The following DGKK variants were observed in gnomAD, a reference collection of about 807,000 sequenced individuals.
DGKK encodes the protein 142 kDa diacylglycerol kinase.
DGKK carries 35 observed loss-of-function variants against 92.2 expected under a neutral mutation model. The observed-to-expected ratio is 0.38, with a 90% confidence interval of 0.29 to 0.50. The LOEUF is 0.50. Among genes scored for constraint, DGKK ranks in the 20% least tolerant of loss-of-function variants. DGKK has a pLI of 0.92. For missense variants in DGKK, 910 were observed against 992.2 expected (o/e 0.92, Z 1.11); for synonymous variants, 368 against 360.6 (o/e 1.02, Z -0.23).
chrX:50,417,703 G>A (rs1423608584), intron 4 of DGKK, among the ~76,000 whole-genome samples: 7 of 110,437 alleles, frequency 6.3e-5, no homozygotes, highest in Non-Finnish European at 1.1e-4. Context: ...GGCTTAACAC[G>A]GTCTTGCCAT....
At chrX:50,411,052 G>T (rs1258283870) in intron 4 of DGKK, among the ~76,000 whole-genome samples, 3 of 111,230 alleles carry the variant, frequency 2.7e-5, no homozygotes, top group Non-Finnish European at 3.8e-5. Flanking sequence ...AGGAAACATG[G>T]TCCACGGGTC....
At chrX:50,425,489 G>C (rs1925714274) in intron 1 of DGKK, among the ~76,000 whole-genome samples, 1 of 110,349 alleles carries the variant, frequency 9.1e-6, no homozygotes, top group Admixed American at 9.7e-5. Flanking sequence ...TTAGGACTCT[G>C]ATCTAAACAG....
intron 2 of DGKK, among the ~76,000 whole-genome samples, chrX:50,423,308 G>T (rs782383868): frequency 2.1e-4 from 23 of 111,521 alleles, no homozygotes; most frequent in Non-Finnish European, 3.8e-4. Context: ...TGATAAGTGG[G>T]AGTTTAGCAA....
intron 17 of DGKK, among the ~76,000 whole-genome samples, chrX:50,383,326 C>T (rs1387125333): frequency 1.8e-5 from 2 of 111,589 alleles, no homozygotes; most frequent in Non-Finnish European, 3.8e-5. Context: ...GGTTGTTAAA[C>T]ACTTTGCCAG....
At chrX:50,386,642 A>T in intron 14 of DGKK, 56 bp from the exon 15 acceptor site, 2 of 1,031,820 alleles carry the variant, frequency 1.9e-6, no homozygotes, top group Non-Finnish European at 1.3e-6. Flanking sequence ...GCTTGAGAGG[A>T]CAGAATGAGG....
At chrX:50,377,960 A>G (rs1557224015) in intron 22 of DGKK, 138 bp downstream of exon 22, 1 of 775,104 alleles carries the variant, frequency 1.3e-6, no homozygotes, top group Non-Finnish European at 1.8e-6. Flanking sequence ...TGCATTTATA[A>G]CCAGCATCTC....
chrX:50,409,804 T>C (rs1925262457), intron 4 of DGKK, among the ~76,000 whole-genome samples: 1 of 111,460 alleles, frequency 9.0e-6, no homozygotes, highest in Admixed American at 9.5e-5. Context: ...AGATGGGGCC[T>C]TTGGGAGGTG....
chrX:50,464,773 G>T (rs1324996675), intron 1 of DGKK, among the ~76,000 whole-genome samples: 5 of 110,975 alleles, frequency 4.5e-5, no homozygotes, highest in African/African-American at 1.6e-4. Context: ...TTTAAAAATT[G>T]AGATGTAATT....
At chrX:50,394,047 A>C (rs1168289108) in intron 8 of DGKK, among the ~76,000 whole-genome samples, 1 of 112,156 alleles carries the variant, frequency 8.9e-6, no homozygotes, top group Non-Finnish European at 1.9e-5. Context: ...ATAGCAGTCT[A>C]AATAACCAAA....
At chrX:50,409,082 A>T (rs1249406303) in intron 4 of DGKK, among the ~76,000 whole-genome samples, 1 of 111,550 alleles carries the variant, frequency 9.0e-6, no homozygotes, top group Non-Finnish European at 1.9e-5. Flanking sequence ...GACATATTAC[A>T]TTTAAGATGA....
intron 1 of DGKK, among the ~76,000 whole-genome samples, chrX:50,427,014 A>G (rs1313966955): frequency 8.9e-6 from 1 of 112,027 alleles, no homozygotes; most frequent in African/African-American, 3.2e-5. Context: ...ACCCAAATGC[A>G]TTAAAAAGTT....
At chrX:50,464,683 T>G (rs1926849629) in intron 1 of DGKK, among the ~76,000 whole-genome samples, 1 of 111,177 alleles carries the variant, frequency 9.0e-6, no homozygotes, top group African/African-American at 3.3e-5. Context: ...TTTTTTCAAT[T>G]TTGTTTGTTT....
In DGKK at chrX:50,376,165, T is replaced by A; in HGVS notation, c.3273A>T (p.Lys1091Asn). The change falls in exon 24 of 28, where the codon AAA (lysine) becomes AAT (asparagine). Residue 1091 changes from lysine (K) to asparagine (N), a missense_variant and splice_region_variant. Transcript: ENST00000611977. ...LARLAENLIS[K>N]LNDLSKIHQH... ...GGTGGATCTTGCTCAGGTCATTAAGTCTGTAATAAAGCAAGGACAGATAGA... is the reference window on the plus strand; with the variant it reads ...GGTGGATCTTGCTCAGGTCATTAAGACTGTAATAAAGCAAGGACAGATAGA... The A allele has an allele frequency of 8.3e-7, 1 of 1,209,004 alleles. No homozygotes were observed. The highest frequency in any genetic ancestry group is 1.1e-6 in the Non-Finnish European group (1 of 894,301).
intron 10 of DGKK, 98 bp downstream of exon 10, chrX:50,392,243 C>T (rs1924717398): frequency 1.7e-6 from 1 of 592,147 alleles, no homozygotes; most frequent in Non-Finnish European, 2.7e-6. Context: ...ACATATTTTA[C>T]AGACAGGGAG....
chrX:50,379,839 A>G (rs781851037), intron 19 of DGKK, 105 bp from the exon 20 acceptor site: 2 of 909,598 alleles, frequency 2.2e-6, no homozygotes, highest in Admixed American at 4.7e-5. Context: ...CATTACATGG[A>G]AATCTATCTT....
intron 1 of DGKK, among the ~76,000 whole-genome samples, chrX:50,444,715 CTA>C (rs1404427267): frequency 8.9e-6 from 1 of 111,817 alleles, no homozygotes; most frequent in Non-Finnish European, 1.9e-5. Flanking sequence ...TAGGTTGATT[CTA>C]TGTCTTTGCT....
chrX:50,386,967 C>T (rs1400787873), intron 14 of DGKK, among the ~76,000 whole-genome samples: 4 of 110,722 alleles, frequency 3.6e-5, no homozygotes, highest in Non-Finnish European at 7.6e-5. Flanking sequence ...CGTGTCCCTG[C>T]TTGGGTGCTT....
At chrX:50,447,801 G>A (rs1180928846) in intron 1 of DGKK, among the ~76,000 whole-genome samples, 1 of 109,610 alleles carries the variant, frequency 9.1e-6, no homozygotes, top group Non-Finnish European at 1.9e-5. Flanking sequence ...TGGGAAGGAG[G>A]GGGAGCAGTA....
intron 4 of DGKK, among the ~76,000 whole-genome samples, chrX:50,418,553 T>C (rs1376944734): frequency 1.8e-5 from 2 of 111,981 alleles, no homozygotes; most frequent in East Asian, 5.6e-4. Context: ...CCATTAGAGA[T>C]AAGGCACATA....
Sources: gnomAD v4.1 joint callset for allele counts (sites outside exome capture counted in the v4.1 genomes callset) on GRCh38, gnomAD v4.1.1 for gene constraint, MANE v1.5 for transcripts, NCBI Gene and HGNC (gene_info 2026-07-23, HGNC 2026-07-21) for gene names.